The following SIM2 variants were observed in gnomAD, a reference collection of about 807,000 sequenced individuals.
SIM2 encodes single-minded homolog 2.
SIM2 carries 28 observed loss-of-function variants against 64.8 expected under a neutral mutation model. The ratio of observed to expected loss-of-function variants is 0.43; its 90% CI spans 0.32 to 0.59. SIM2 has a LOEUF of 0.59. SIM2 is among the 20% of genes least tolerant of loss of function. The probability of loss-of-function intolerance (pLI) is 0.07; values close to 1 mark genes in which losing one functional copy is unlikely to be tolerated. For synonymous variants in SIM2, 408 were observed against 391.1 expected, an observed-to-expected ratio of 1.04 and a Z score of -0.51; for missense variants, 847 against 871.4, an observed-to-expected ratio of 0.97 and a Z score of 0.35.
At chr21:36,716,642 C>G (rs1479956585) in intron 3 of SIM2, among the ~76,000 whole-genome samples, 2 of 152,166 alleles carry the variant, frequency 1.3e-5, no homozygotes, top group African/African-American at 4.8e-5. Context: ...ACAACTCTCC[C>G]CTTCCACACA....
chr21:36,715,354 CT>C (rs2088733171), intron 3 of SIM2, among the ~76,000 whole-genome samples: 1 of 152,112 alleles, frequency 6.6e-6, no homozygotes, highest in Non-Finnish European at 1.5e-5. Context: ...CCCAACTGGT[CT>C]TTTAAACATT....
chr21:36,721,547 C>T (rs1169555423), intron 4 of SIM2, among the ~76,000 whole-genome samples: 1 of 152,090 alleles, frequency 6.6e-6, no homozygotes, highest in Non-Finnish European at 1.5e-5. Flanking sequence ...TCAAGCGATT[C>T]TCCTGCCTCA....
At chr21:36,719,748 A>T in intron 3 of SIM2, 73 bp from the exon 4 acceptor site, 1 of 863,468 alleles carries the variant, frequency 1.2e-6, no homozygotes, top group African/African-American at 1.6e-5. Flanking sequence ...AGCACCTGTG[A>T]CACACCTTGC....
At chr21:36,710,661 C>A (rs1383770709) in intron 2 of SIM2, 1 of 152,200 alleles carries the variant, frequency 6.6e-6, no homozygotes, top group Non-Finnish European at 1.5e-5. Context: ...CAGCCGCTAG[C>A]TCTGCATTTC....
intron 6 of SIM2, among the ~76,000 whole-genome samples, chr21:36,727,322 A>T (rs539572374): frequency 2.7e-5 from 4 of 149,864 alleles, no homozygotes; most frequent in African/African-American, 1.0e-4. Flanking sequence ...GGAGTGAACC[A>T]CTGTGCCCAG....
At chr21:36,738,098 T>C (rs1211180322) in intron 7 of SIM2, among the ~76,000 whole-genome samples, 4 of 151,852 alleles carry the variant, frequency 2.6e-5, no homozygotes, top group African/African-American at 4.8e-5. Context: ...GGATGGATCC[T>C]CAGTCTGAGC....
intron 4 of SIM2, 21 bp downstream of exon 4, chr21:36,719,950 A>G: frequency 6.7e-7 from 1 of 1,482,354 alleles, no homozygotes; most frequent in Non-Finnish European, 9.4e-7. Context: ...CAGAGGGAAA[A>G]AAAAAAACAG....
chr21:36,702,571 A>G (rs1363589843), intron 1 of SIM2, among the ~76,000 whole-genome samples: 1 of 152,072 alleles, frequency 6.6e-6, no homozygotes, highest in African/African-American at 2.4e-5. Flanking sequence ...GTTTAGAAAG[A>G]CCTCCATTAT....
At chr21:36,729,773 TGCCCG>T (rs761826910) in intron 6 of SIM2, among the ~76,000 whole-genome samples, 4 of 152,260 alleles carry the variant, frequency 2.6e-5, no homozygotes, top group Admixed American at 6.5e-5. Flanking sequence ...GAGGACATGG[TGCCCG>T]GCCCCATTGC....
chr21:36,740,370 C>G (rs1479891059), intron 7 of SIM2, among the ~76,000 whole-genome samples: 1 of 152,152 alleles, frequency 6.6e-6, no homozygotes, highest in Non-Finnish European at 1.5e-5. Context: ...GTCTGTTGAT[C>G]TGATGGATGG....
rs1040835994 is a variant in SIM2, at chr21:36,743,033, C to T, written c.999-354C>T. On this transcript the variant is annotated intron_variant, in intron 8 of 10. Transcript: ENST00000290399. ...GCTAACTGGAGAGGCAGCTGGGCCA[C>T]AGGTGTGCATGTTGGATGCAGGTGG... Among the ~76,000 whole-genome samples the T allele has an allele frequency of 6.6e-5, 10 of 152,282 alleles. No individual in the cohort carries two copies. In the South Asian group the frequency reaches 1.2e-3, roughly 19 times the overall value.
chr21:36,718,911 C>T (rs780439689), intron 3 of SIM2, among the ~76,000 whole-genome samples: 2 of 152,310 alleles, frequency 1.3e-5, no homozygotes, highest in East Asian at 1.9e-4. Context: ...AGAGAACATT[C>T]GAAAGATTCT....
chr21:36,704,470 G>A (rs373252244), intron 1 of SIM2, among the ~76,000 whole-genome samples: 2 of 152,250 alleles, frequency 1.3e-5, no homozygotes, highest in Non-Finnish European at 2.9e-5. Context: ...GCCCGCAGGC[G>A]CAGAGGGGAC....
At chr21:36,716,874 T>C (rs56269215) in intron 3 of SIM2, among the ~76,000 whole-genome samples, 38,422 of 150,834 alleles carry the variant, frequency 0.25, 5,198 homozygotes, top group Non-Finnish European at 0.31. Context: ...TTTTTTTTTT[T>C]GTGAGGTAGT....
In SIM2 at chr21:36,726,192, A is replaced by G. The variant is rs1455411407; in HGVS notation, c.617A>G (p.Gln206Arg). 6.2e-7 allele frequency: 1 copy of G among 1,613,958 alleles called. No individual in the cohort carries two copies. Among genetic ancestry groups the G allele is most frequent in the Non-Finnish European group, 8.5e-7 (1 of 1,180,058 alleles). The part of the protein sequence containing the change: ...LDMSLYDSCY[Q>R]IVGLVAVGQS... ...ATGTCCCTGTACGACTCCTGCTACC[A>G]GATTGTGGGGCTGGTGGCCGTGGGC... The change falls in exon 6 of 11, where the codon CAG becomes CGG. Residue 206 changes from glutamine to arginine, a missense_variant. By Grantham distance (43) the Gln-to-Arg change is conservative. Around this residue, in one of 3 missense-constraint regions of SIM2, gnomAD observed 397 missense variants for 439.2 expected, o/e 0.90. Transcript: ENST00000290399. The surrounding 1 kb of genome is among the most constrained non-coding windows in gnomAD (Gnocchi z 4.5).
intron 5 of SIM2, among the ~76,000 whole-genome samples, chr21:36,724,135 G>A (rs1332886960): frequency 6.6e-6 from 1 of 152,200 alleles, no homozygotes; most frequent in African/African-American, 2.4e-5. Context: ...TCCCCTCTTT[G>A]ACCCCACTCT....
At chr21:36,740,775 C>G (rs149520676) in intron 7 of SIM2, among the ~76,000 whole-genome samples, 217 of 152,348 alleles carry the variant, frequency 1.4e-3, no homozygotes, top group African/African-American at 4.3e-3. Flanking sequence ...GTCACAGACT[C>G]AGCCCCTTTG....
chr21:36,704,156 G>A (rs1396832157), intron 1 of SIM2, among the ~76,000 whole-genome samples: 1 of 152,118 alleles, frequency 6.6e-6, no homozygotes, highest in Non-Finnish European at 1.5e-5. Context: ...GTGCCTTTGG[G>A]TTTAAATTCA....
chr21:36,702,519 G>A (rs2088516121), intron 1 of SIM2, among the ~76,000 whole-genome samples: 1 of 152,230 alleles, frequency 6.6e-6, no homozygotes, highest in Admixed American at 6.5e-5. Context: ...CTGGGGCTGA[G>A]GAGTAGGGAA....
Sources: gnomAD v4.1 joint callset for allele counts (sites outside exome capture counted in the v4.1 genomes callset) on GRCh38, gnomAD v4.1.1 for gene constraint, gnomAD v4.1.1 regional missense constraint, Gnocchi (gnomAD v3.1) non-coding constraint, MANE v1.5 for transcripts, NCBI Gene and HGNC (gene_info 2026-07-23, HGNC 2026-07-21) for gene names.